The following TLE4 variants were observed in gnomAD, a reference collection of about 807,000 sequenced individuals.
TLE4 encodes transducin-like enhancer protein 4.
TLE4 carries 8 observed loss-of-function variants against 92.8 expected under a neutral mutation model. The ratio of observed to expected loss-of-function variants is 0.09; its 90% CI spans 0.05 to 0.16. TLE4 has a LOEUF of 0.16. Among genes scored for constraint, TLE4 ranks in the 10% least tolerant of loss-of-function variants. TLE4 has a pLI of 1.00. For missense variants in TLE4, 675 were observed against 997.6 expected (o/e 0.68, Z 4.36); for synonymous variants, 371 against 374.1 (o/e 0.99, Z 0.10).
chr9:79,613,710 C>T (rs1412072844), intron 5 of TLE4, among the ~76,000 whole-genome samples: 1 of 152,142 alleles, frequency 6.6e-6, no homozygotes, highest in Non-Finnish European at 1.5e-5. Flanking sequence ...GAGGTTCATT[C>T]ACCTGCTTGC....
At chr9:79,667,916 A>G (rs1042859256) in intron 8 of TLE4, among the ~76,000 whole-genome samples, 17 of 152,246 alleles carry the variant, frequency 1.1e-4, no homozygotes, top group African/African-American at 4.1e-4. Context: ...TGTTCCTTTT[A>G]TGCACTTCCA....
chr9:79,669,155 C>T (rs2061861798), intron 8 of TLE4, among the ~76,000 whole-genome samples: 1 of 152,122 alleles, frequency 6.6e-6, no homozygotes, highest in Non-Finnish European at 1.5e-5. Context: ...GAAAGTTCCC[C>T]TTGAGTATTG....
chr9:79,592,177 C>G (rs1485786043), intron 4 of TLE4, among the ~76,000 whole-genome samples: 2 of 115,918 alleles, frequency 1.7e-5, no homozygotes, highest in Non-Finnish European at 3.6e-5. Context: ...CTTCCTCTTC[C>G]TCTTCCTCTT....
intron 4 of TLE4, among the ~76,000 whole-genome samples, chr9:79,580,950 A>G (rs1370092188): frequency 6.6e-6 from 1 of 152,196 alleles, no homozygotes; most frequent in Non-Finnish European, 1.5e-5. Flanking sequence ...ATGTCTGCAT[A>G]AACTTCAGAT....
intron 6 of TLE4, among the ~76,000 whole-genome samples, chr9:79,641,250 TC>T (rs1350046686): frequency 6.6e-6 from 1 of 151,814 alleles, no homozygotes; most frequent in Admixed American, 6.6e-5. Context: ...AAACATCTGT[TC>T]ATCAAAAGAT....
At chr9:79,645,483 A>G (rs2057955801) in intron 6 of TLE4, among the ~76,000 whole-genome samples, 1 of 152,166 alleles carries the variant, frequency 6.6e-6, no homozygotes, top group Non-Finnish European at 1.5e-5. Flanking sequence ...GTCCCTTGTC[A>G]TCAAGCAGTT....
At chr9:79,588,234 G>A (rs1417334798) in intron 4 of TLE4, among the ~76,000 whole-genome samples, 2 of 151,392 alleles carry the variant, frequency 1.3e-5, no homozygotes, top group Admixed American at 6.6e-5. Flanking sequence ...TGTGATCTCC[G>A]CCTCCTGGGT....
chr9:79,572,735 A>G lies in TLE4; in HGVS notation c.-56A>G. 2 of 1,577,582 alleles carry G rather than the reference A, an allele frequency of 1.3e-6. No homozygotes were observed. The highest frequency in any genetic ancestry group is 1.7e-6 in the Non-Finnish European group (2 of 1,160,872). ...CCGCGGCCGCCTCCTCTTCGGGGTC[A>G]TTAAAGCCAATGAGCCGCGCGCCTC... is the stretch of plus-strand genomic sequence containing the variant. On this transcript the variant is annotated 5_prime_UTR_variant, in exon 1 of 20. Coordinates refer to ENST00000376552, the MANE Select transcript of TLE4 (RefSeq NM_007005.6).
At chr9:79,590,585 T>C (rs1018738370) in intron 4 of TLE4, among the ~76,000 whole-genome samples, 2 of 152,178 alleles carry the variant, frequency 1.3e-5, no homozygotes, top group African/African-American at 4.8e-5. Context: ...AGGAGGCTCA[T>C]AGTAAAGACC....
chr9:79,696,916 C>T (rs956858714), intron 8 of TLE4, among the ~76,000 whole-genome samples: 4 of 152,146 alleles, frequency 2.6e-5, no homozygotes, highest in South Asian at 2.1e-4. Flanking sequence ...AGATTTTTGC[C>T]AACCCTCTCC....
intron 2 of TLE4, chr9:79,573,998 G>A (rs566041627): frequency 2.8e-6 from 1 of 362,662 alleles, no homozygotes; most frequent in South Asian, 9.2e-5. Context: ...TAAAAAGAAG[G>A]CAGAACAATC....
At position 79,608,657 on chromosome 9, in the gene TLE4, G is replaced by A. The variant is rs2047653411; in HGVS notation, c.253-3999G>A. On this transcript the variant is annotated intron_variant, in intron 4 of 19. Transcript: ENST00000376552. ...AGGAATGTTTCCTAAAACTGTAATT[G>A]CTTTAAGTTAGCTGCTGAAATGGTT... is the stretch of plus-strand genomic sequence containing the variant. Among the ~76,000 whole-genome samples, 2 of 151,980 alleles carry A rather than the reference G, an allele frequency of 1.3e-5. 1 individual carries two copies. The highest frequency in any genetic ancestry group is 4.1e-4 in the South Asian group (2 of 4,828).
intron 6 of TLE4, among the ~76,000 whole-genome samples, chr9:79,644,600 CTG>C (rs1460216549): frequency 6.6e-6 from 1 of 152,238 alleles, no homozygotes; most frequent in African/African-American, 2.4e-5. Flanking sequence ...GTCAGCCAGA[CTG>C]TGCTTTCTCA....
At chr9:79,723,352 T>C (rs931507848) in intron 19 of TLE4, among the ~76,000 whole-genome samples, 2 of 152,250 alleles carry the variant, frequency 1.3e-5, no homozygotes, top group South Asian at 2.1e-4. Flanking sequence ...TCTTTTGTAA[T>C]TTTTAATTTT....
rs1251126209 is a variant in TLE4, at chr9:79,572,743, C to G, written c.-48C>G. 10 of 1,586,428 alleles carry G rather than the reference C, an allele frequency of 6.3e-6. No homozygotes were observed. In the South Asian group the frequency reaches 6.8e-5, roughly 11 times the overall value. On this transcript the variant is annotated 5_prime_UTR_variant, in exon 1 of 20. Transcript: ENST00000376552. ...GCCTCCTCTTCGGGGTCATTAAAGC[C>G]AATGAGCCGCGCGCCTCTGCCGAGC...
intron 6 of TLE4, among the ~76,000 whole-genome samples, chr9:79,648,247 T>C (rs568704742): frequency 6.6e-6 from 1 of 152,344 alleles, no homozygotes; most frequent in African/African-American, 2.4e-5. Flanking sequence ...TATTGAGTTC[T>C]CGCTATGTTT....
chr9:79,669,381 A>G (rs1444270561), intron 8 of TLE4, among the ~76,000 whole-genome samples: 6 of 152,240 alleles, frequency 3.9e-5, no homozygotes, highest in Admixed American at 1.3e-4. Flanking sequence ...GGCCAGAAAA[A>G]TGTTTAAAAA....
At chr9:79,690,991 G>T (rs1392913905) in intron 8 of TLE4, among the ~76,000 whole-genome samples, 5 of 152,006 alleles carry the variant, frequency 3.3e-5, no homozygotes, top group Admixed American at 3.3e-4. Context: ...CATGAAGATG[G>T]CATCATTATA....
intron 8 of TLE4, among the ~76,000 whole-genome samples, chr9:79,693,140 C>T (rs1343497587): frequency 6.6e-6 from 1 of 152,084 alleles, no homozygotes; most frequent in African/African-American, 2.4e-5. Flanking sequence ...AAAACATTAC[C>T]AACACAGAAT....
Sources: allele counts gnomAD v4.1 joint callset (sites outside exome capture counted in the v4.1 genomes callset), GRCh38; gene constraint gnomAD v4.1.1; transcripts MANE v1.5; gene names NCBI Gene and HGNC (gene_info 2026-07-23, HGNC 2026-07-21).